The following MAGI2 variants were observed in gnomAD, a reference collection of about 807,000 sequenced individuals.
The protein encoded by MAGI2 is membrane associated guanylate kinase, WW and PDZ domain containing 2, also known as membrane-associated guanylate kinase, WW and PDZ domain-containing protein 2.
Under a neutral mutation model 133.3 loss-of-function variants are expected in MAGI2, and 35 were observed. That is an observed-to-expected ratio of 0.26 (90% confidence interval 0.20 to 0.35). The LOEUF is 0.35. MAGI2 is among the 10% of genes least tolerant of loss of function. MAGI2 has a pLI of 1.00. For missense variants in MAGI2, 1,636 were observed against 1,863.4 expected, an observed-to-expected ratio of 0.88 and a Z score of 2.25; for synonymous variants, 729 against 710.6, an observed-to-expected ratio of 1.03 and a Z score of -0.41.
intron 21 of MAGI2, among the ~76,000 whole-genome samples, chr7:78,070,218 T>TATATATATATAC (rs1453553515): frequency 3.8e-5 from 2 of 52,272 alleles, no homozygotes; most frequent in African/African-American, 9.4e-5. Context: ...TATATATATA[T>TATATATATATAC]ACACACACAC....
chr7:78,057,097 T>C (rs6978319), intron 21 of MAGI2, among the ~76,000 whole-genome samples: 77,303 of 149,190 alleles, frequency 0.52, 20,767 homozygotes, highest in African/African-American at 0.66. Context: ...AAAAGTGGGA[T>C]TGTTGGATTA....
In MAGI2 at chr7:78,139,846, T is replaced by C. The variant is rs537004518; in HGVS notation, c.2846-4640A>G. Among the ~76,000 whole-genome samples, 6 of 152,354 alleles carry C rather than the reference T, an allele frequency of 3.9e-5. No homozygotes were observed. The South Asian group carries it at 1.2e-3, about 32-fold the overall frequency. On this transcript the variant is annotated intron_variant, in intron 16 of 21. Coordinates refer to ENST00000354212, the MANE Select transcript of MAGI2 (RefSeq NM_012301.4). ...CCCAGCTTTTCTATGTCTTTATTCCTTTATAGATAAAACAATATTGTCTAC... is the reference window on the plus strand; with the variant it reads ...CCCAGCTTTTCTATGTCTTTATTCCCTTATAGATAAAACAATATTGTCTAC...
chr7:78,532,357 G>T (rs1797540490), intron 3 of MAGI2, among the ~76,000 whole-genome samples: 1 of 152,178 alleles, frequency 6.6e-6, no homozygotes, highest in South Asian at 2.1e-4. Context: ...ACATAATGTG[G>T]AAAACTGTCA....
intron 6 of MAGI2, among the ~76,000 whole-genome samples, chr7:78,455,110 A>C (rs943359685): frequency 6.6e-6 from 1 of 152,198 alleles, no homozygotes; most frequent in Non-Finnish European, 1.5e-5. Flanking sequence ...AATGTAACAA[A>C]TATACCACAT....
chr7:78,769,199 CATGAT>C (rs1825328606), intron 2 of MAGI2, among the ~76,000 whole-genome samples: 1 of 152,042 alleles, frequency 6.6e-6, no homozygotes, highest in Non-Finnish European at 1.5e-5. Flanking sequence ...AAAGGGAAAA[CATGAT>C]AAGATACAAA....
rs772630063 is a variant in MAGI2, at chr7:78,399,804, C to CAG, written c.1046-30592_1046-30591insCT. Among the ~76,000 whole-genome samples, 666 of 69,704 alleles carry CAG rather than the reference C, an allele frequency of 9.6e-3. 8 individuals carry two copies. Among genetic ancestry groups the CAG allele is most frequent in the African/African-American group, 0.036 (645 of 17,834 alleles). The allele number at this position is 69,704 out of a possible 152,430, so 45.7% of individuals were successfully genotyped here. A position where few individuals can be genotyped will look rare whatever the true frequency, so the allele number is the denominator to read the frequency against. ...TGGTTGACAGAGTGAGACTTTGTAT[C>CAG]AAAAAAAAAAAAAAAAAAAAAAAGG... On this transcript the variant is annotated intron_variant, in intron 6 of 21. Transcript: ENST00000354212.
chr7:79,104,919 T>G (rs1006719612), intron 1 of MAGI2, among the ~76,000 whole-genome samples: 4 of 152,212 alleles, frequency 2.6e-5, no homozygotes, highest in Admixed American at 2.6e-4. Context: ...CAAAGTTTTA[T>G]CCTGTACCAC....
At chr7:79,138,665 C>G (rs1328433563) in intron 1 of MAGI2, among the ~76,000 whole-genome samples, 2 of 152,014 alleles carry the variant, frequency 1.3e-5, no homozygotes, top group East Asian at 3.9e-4. Context: ...TTAAATGATG[C>G]CCTAAGGGTG....
intron 1 of MAGI2, among the ~76,000 whole-genome samples, chr7:79,208,258 T>C (rs1046040945): frequency 1.3e-5 from 2 of 151,702 alleles, no homozygotes; most frequent in African/African-American, 2.4e-5. Flanking sequence ...ACCTACAGAA[T>C]GGGAAAAATA....
At chr7:79,206,846 C>T (rs547824263) in intron 1 of MAGI2, among the ~76,000 whole-genome samples, 1 of 151,842 alleles carries the variant, frequency 6.6e-6, no homozygotes, top group South Asian at 2.1e-4. Context: ...CAACAGCACA[C>T]TAAAAAGATC....
intron 1 of MAGI2, among the ~76,000 whole-genome samples, chr7:79,229,560 T>C (rs1219180153): frequency 6.6e-6 from 1 of 152,142 alleles, no homozygotes; most frequent in South Asian, 2.1e-4. Context: ...AGGAAAAGTA[T>C]AGCTTGAGAG....
chr7:78,309,714 A>G (rs191163838), intron 9 of MAGI2, among the ~76,000 whole-genome samples: 57 of 152,348 alleles, frequency 3.7e-4, no homozygotes, highest in Admixed American at 1.0e-3. Flanking sequence ...AGGTCTTTCA[A>G]TAGCACAATG....
intron 2 of MAGI2, among the ~76,000 whole-genome samples, chr7:78,782,549 T>A (rs2151344824): frequency 6.6e-6 from 1 of 152,034 alleles, no homozygotes; most frequent in Admixed American, 6.5e-5. Flanking sequence ...CTAGCTGAAG[T>A]GGGTTTAATG....
At chr7:78,235,556 C>T (rs1330369375) in intron 10 of MAGI2, among the ~76,000 whole-genome samples, 6 of 152,024 alleles carry the variant, frequency 3.9e-5, no homozygotes, top group African/African-American at 9.7e-5. Context: ...GGGACTTTTC[C>T]CCCTTTGCTT....
At chr7:79,167,216 C>T (rs1825021736) in intron 1 of MAGI2, among the ~76,000 whole-genome samples, 1 of 151,712 alleles carries the variant, frequency 6.6e-6, no homozygotes, top group East Asian at 1.9e-4. Flanking sequence ...CAGAGAAAAT[C>T]CTTTTTCGCC....
chr7:78,522,426 T>C (rs1173759261), intron 3 of MAGI2, among the ~76,000 whole-genome samples: 1 of 152,234 alleles, frequency 6.6e-6, no homozygotes, highest in African/African-American at 2.4e-5. Flanking sequence ...TTGCCCAGGC[T>C]GGAGGGCAAT....
intron 1 of MAGI2, among the ~76,000 whole-genome samples, chr7:79,297,553 A>C (rs1052468442): frequency 4.6e-5 from 7 of 152,210 alleles, no homozygotes; most frequent in Admixed American, 1.3e-4. Context: ...AATAACCTGC[A>C]GTCTACCCAG....
intron 1 of MAGI2, among the ~76,000 whole-genome samples, chr7:79,212,118 C>G (rs1829550183): frequency 6.6e-6 from 1 of 152,048 alleles, no homozygotes; most frequent in Non-Finnish European, 1.5e-5. Context: ...TTACTTATTA[C>G]AATACACATA....
intron 3 of MAGI2, among the ~76,000 whole-genome samples, chr7:78,584,112 G>T (rs556348099): frequency 5.9e-5 from 9 of 152,106 alleles, no homozygotes; most frequent in Non-Finnish European, 1.2e-4. Flanking sequence ...AGCTCAGAGC[G>T]GGAGTCAACC....
Sources: allele counts gnomAD v4.1 joint callset (sites outside exome capture counted in the v4.1 genomes callset), GRCh38; gene constraint gnomAD v4.1.1; transcripts MANE v1.5; gene names NCBI Gene and HGNC (gene_info 2026-07-23, HGNC 2026-07-21).